The following PHLDB2 variants were observed in gnomAD, a reference collection of about 807,000 sequenced individuals.
PHLDB2 encodes pleckstrin homology-like domain family B member 2.
In PHLDB2, 71 loss-of-function variants were observed where a neutral mutation model predicts 123.6. The ratio of observed to expected loss-of-function variants is 0.57; its 90% CI spans 0.47 to 0.70. The LOEUF is 0.70. Ranked by LOEUF, PHLDB2 falls within the 30% of genes least tolerant of loss-of-function variation. PHLDB2 has a pLI of 0.00. For synonymous variants in PHLDB2, 547 were observed against 541.6 expected, an observed-to-expected ratio of 1.01 and a Z score of -0.14; for missense variants, 1,446 against 1,519.5, an observed-to-expected ratio of 0.95 and a Z score of 0.80.
At chr3:111,847,308 G>A (rs1190974987) in intron 2 of PHLDB2, among the ~76,000 whole-genome samples, 1 of 152,152 alleles carries the variant, frequency 6.6e-6, no homozygotes, top group African/African-American at 2.4e-5. Context: ...ATGAAGTTCT[G>A]AGAGACGCAC....
At chr3:111,783,122 A>G (rs80205507) in intron 1 of PHLDB2, among the ~76,000 whole-genome samples, 7,278 of 152,042 alleles carry the variant, frequency 0.048, 590 homozygotes, top group African/African-American at 0.17. Flanking sequence ...CAACATGACT[A>G]TTTCTAGAAA....
rs770275254 is a variant in PHLDB2, at chr3:111,945,323, A to C, written c.2453A>C (p.Lys818Thr). The C allele has an allele frequency of 6.2e-7, 1 of 1,610,630 alleles. No homozygotes were observed. The highest frequency in any genetic ancestry group is 2.2e-5 in the East Asian group (1 of 44,852). Residue 818 changes from lysine to threonine, a missense_variant, in exon 9 of 18, where the codon AAA becomes ACA. Physicochemically the swap from Lys to Thr is moderately conservative, Grantham distance 78. This residue lies in a region of PHLDB2 where 594 missense variants were observed against 646.0 expected (regional missense o/e 0.92). Transcript: ENST00000431670. ...EKKYSSLSGG[K>T]GFPVNPNTLK... ...AAATACTCCAGCCTCTCTGGGGGGA[A>C]AGGGTTTCCCGTTAACCCCAATACT...
chr3:111,859,645 C>T lies in PHLDB2; in HGVS notation c.-15+69C>T, dbSNP rs531634428. On this transcript the variant is annotated intron_variant, in intron 1 of 17. Transcript: ENST00000431670. The stretch of plus-strand genomic sequence containing the variant: ...GACTCCGTGTGCCAGGAGTGCGTCC[C>T]GGGGACGCTGCCTCCCCCGCGGCCG... The T allele has an allele frequency of 1.3e-5, 13 of 985,132 alleles. No individual in the cohort carries two copies. The African/African-American group carries it at 2.1e-4, about 16-fold the overall frequency. 61.0% of individuals were successfully genotyped at this position (985,132 alleles called of 1,614,324 possible). A position where few individuals can be genotyped will look rare whatever the true frequency, so the allele number is the denominator to read the frequency against.
intron 1 of PHLDB2, chr3:111,778,592 C>T (rs1258513621): frequency 6.6e-6 from 1 of 151,966 alleles, no homozygotes; most frequent in East Asian, 1.9e-4. Flanking sequence ...CGTAACTGCC[C>T]TTTCTAGAAA....
chr3:111,857,289 A>C (rs2064555071), upstream of PHLDB2, among the ~76,000 whole-genome samples: 2 of 151,916 alleles, frequency 1.3e-5, no homozygotes, highest in South Asian at 4.2e-4. Context: ...CCATCTCTGC[A>C]AAAAATTCAA....
chr3:111,971,951 G>A (rs1015902401), intron 16 of PHLDB2, among the ~76,000 whole-genome samples: 1 of 152,106 alleles, frequency 6.6e-6, no homozygotes, highest in African/African-American at 2.4e-5. Context: ...GCATAATACT[G>A]AGAGAGACAG....
chr3:111,946,030 T>C (rs2070283881), intron 9 of PHLDB2, among the ~76,000 whole-genome samples: 1 of 148,444 alleles, frequency 6.7e-6, no homozygotes, highest in South Asian at 2.1e-4. Flanking sequence ...AAAAATAGTT[T>C]ATATATATAT....
At chr3:111,845,226 A>G (rs376652109) in intron 1 of PHLDB2, among the ~76,000 whole-genome samples, 13 of 151,960 alleles carry the variant, frequency 8.6e-5, no homozygotes, top group East Asian at 5.8e-4. Context: ...CTGGTGGCAC[A>G]TGCCTGTAAT....
At chr3:111,820,700 G>C (rs956879401) in intron 1 of PHLDB2, among the ~76,000 whole-genome samples, 1 of 152,204 alleles carries the variant, frequency 6.6e-6, no homozygotes, top group Non-Finnish European at 1.5e-5. Context: ...GGAATTTCCA[G>C]ACCTGGATTC....
chr3:111,817,410 A>C (rs994928562), intron 1 of PHLDB2, among the ~76,000 whole-genome samples: 2 of 152,198 alleles, frequency 1.3e-5, no homozygotes, highest in African/African-American at 4.8e-5. Context: ...GATCCATACC[A>C]GCTGACTTAA....
At chr3:111,871,681 C>T (rs557265004) in intron 1 of PHLDB2, among the ~76,000 whole-genome samples, 1 of 152,076 alleles carries the variant, frequency 6.6e-6, no homozygotes, top group South Asian at 2.1e-4. Flanking sequence ...TCCAAAAAAA[C>T]CTTTGTTTCT....
chr3:111,774,347 C>T (rs918217207), intron 1 of PHLDB2, among the ~76,000 whole-genome samples: 1 of 152,094 alleles, frequency 6.6e-6, no homozygotes, highest in African/African-American at 2.4e-5. Context: ...TTTAGTGGCT[C>T]AGGAAATTAA....
intron 1 of PHLDB2, among the ~76,000 whole-genome samples, chr3:111,755,660 G>A (rs997693929): frequency 3.9e-5 from 5 of 127,862 alleles, no homozygotes; most frequent in Admixed American, 1.5e-4. Context: ...CTTCAGTTCC[G>A]CTCTGATTTT....
At chr3:111,973,516 G>A (rs542171390) in intron 16 of PHLDB2, among the ~76,000 whole-genome samples, 7 of 152,194 alleles carry the variant, frequency 4.6e-5, no homozygotes, top group South Asian at 4.2e-4. Flanking sequence ...AAGTCATCTC[G>A]TTCTTCGGTT....
At chr3:111,802,017 G>T (rs1326492952) in intron 1 of PHLDB2, among the ~76,000 whole-genome samples, 1 of 152,198 alleles carries the variant, frequency 6.6e-6, no homozygotes, top group Non-Finnish European at 1.5e-5. Flanking sequence ...TATAGTATAT[G>T]AATTCTATCT....
At chr3:111,793,238 C>T (rs1427532699) in intron 1 of PHLDB2, among the ~76,000 whole-genome samples, 3 of 152,108 alleles carry the variant, frequency 2.0e-5, no homozygotes, top group African/African-American at 7.2e-5. Flanking sequence ...TAAGCTGGCT[C>T]CAAAGCCACA....
At chr3:111,865,573 A>T (rs922878059) in intron 1 of PHLDB2, among the ~76,000 whole-genome samples, 41 of 152,072 alleles carry the variant, frequency 2.7e-4, no homozygotes, top group African/African-American at 9.7e-4. Flanking sequence ...GTATGGAGAA[A>T]CTCCTGTTGA....
intron 12 of PHLDB2, chr3:111,958,849 C>T (rs1220601410): frequency 6.1e-5 from 25 of 412,254 alleles, no homozygotes; most frequent in South Asian, 4.4e-4. Flanking sequence ...TTCTTTGCTC[C>T]CCCTCAAAAA....
chr3:111,863,025 C>T (rs992188385), intron 1 of PHLDB2, among the ~76,000 whole-genome samples: 4 of 152,102 alleles, frequency 2.6e-5, no homozygotes, highest in African/African-American at 9.7e-5. Context: ...ACACACTGGA[C>T]CTGACCTTGT....
Sources: gnomAD v4.1 joint callset for allele counts (sites outside exome capture counted in the v4.1 genomes callset) on GRCh38, gnomAD v4.1.1 for gene constraint, gnomAD v4.1.1 regional missense constraint, MANE v1.5 for transcripts, NCBI Gene and HGNC (gene_info 2026-07-23, HGNC 2026-07-21) for gene names.